NCOA7: variants seen among roughly 807,000 people sequenced by gnomAD.
NCOA7 encodes the protein 140 kDa estrogen receptor-associated protein.
NCOA7 carries 45 observed loss-of-function variants against 104.3 expected under a neutral mutation model. The observed-to-expected ratio is 0.43, with a 90% CI of 0.34 to 0.55. NCOA7 has a LOEUF of 0.55. Ranked by LOEUF, NCOA7 falls within the 20% of genes least tolerant of loss-of-function variation. The pLI is 0.02. For synonymous variants in NCOA7, 398 were observed against 402.3 expected (o/e 0.99, Z 0.13); for missense variants, 1,041 against 1,119.7 (o/e 0.93, Z 1.00).
intron 1 of NCOA7, among the ~76,000 whole-genome samples, chr6:125,803,570 A>G (rs1314222881): frequency 1.3e-5 from 2 of 152,206 alleles, no homozygotes; most frequent in African/African-American, 2.4e-5. Flanking sequence ...TAAAAAAATG[A>G]TAATTCAGTT....
rs1173067741 is a variant in NCOA7, at chr6:125,928,688, T to C, written c.2746T>C (p.Ser916Pro). 6.2e-7 allele frequency: 1 copy of C among 1,613,504 alleles called. No homozygotes were observed. Among genetic ancestry groups the C allele is most frequent in the Admixed American group, 1.7e-5 (1 of 59,946 alleles). The change falls in exon 16 of 16, where the codon TCT (serine) becomes CCT (proline). Residue 916 changes from serine to proline, a missense_variant. Ser to Pro is a moderately conservative substitution (Grantham distance 74). Coordinates refer to ENST00000392477, the MANE Select transcript of NCOA7 (RefSeq NM_181782.5). ...TGATTTATACCACGGACGAAGCAAC[T>C]CTTGCAGCACTTTCAATAATGATAT... is the stretch of plus-strand genomic sequence containing the variant. ...DADLYHGRSNSCSTFNNDILS... is the reference protein window; with the variant it reads ...DADLYHGRSNPCSTFNNDILS...
rs765954355 is a variant in NCOA7 at position 125,815,363 on chromosome 6, C to G, written c.9C>G (p.Thr3=). 1.2e-6 allele frequency: 2 copies of G among 1,606,574 alleles called. No homozygotes were observed. The highest frequency in any genetic ancestry group is 1.7e-6 in the Non-Finnish European group (2 of 1,176,510). ...ACTTTTGATTGTGTATTATGGATAC[C>G]AAGGAAGAGAAGAAGGAACGGAAAC... MD[T]KEEKKERKQS... The change falls in exon 2 of 16, where the codon ACC becomes ACG. Residue 3 remains threonine, a synonymous_variant. Transcript: ENST00000392477.
intron 11 of NCOA7, 52 bp from the exon 12 acceptor site, chr6:125,920,891 G>A (rs1425011607): frequency 6.3e-7 from 1 of 1,593,844 alleles, no homozygotes; most frequent in Non-Finnish European, 8.6e-7. Flanking sequence ...TAAATTAGCA[G>A]TTAGAAGAAA....
intron 2 of NCOA7, among the ~76,000 whole-genome samples, chr6:125,850,929 A>G (rs1410565318): frequency 1.3e-5 from 2 of 152,162 alleles, no homozygotes; most frequent in Non-Finnish European, 2.9e-5. Context: ...TGATCAGAAG[A>G]GAAATTTTGA....
chr6:125,838,210 T>TC (rs1389528911), intron 2 of NCOA7, among the ~76,000 whole-genome samples: 1 of 152,100 alleles, frequency 6.6e-6, no homozygotes. Flanking sequence ...TGCAGAAGCT[T>TC]CTATACCATC....
chr6:125,835,256 A>G (rs1779516344), intron 2 of NCOA7, among the ~76,000 whole-genome samples: 1 of 152,216 alleles, frequency 6.6e-6, no homozygotes, highest in Middle Eastern at 3.2e-3. Context: ...ATCCAAACCC[A>G]GCTCAGCCAA....
intron 1 of NCOA7, among the ~76,000 whole-genome samples, chr6:125,814,891 T>G (rs1326522934): frequency 1.3e-5 from 2 of 152,216 alleles, no homozygotes; most frequent in Non-Finnish European, 2.9e-5. Flanking sequence ...AAGTGAGCCA[T>G]TTTACATAAT....
At chr6:125,866,888 G>C (rs760478610) in intron 3 of NCOA7, among the ~76,000 whole-genome samples, 5 of 152,002 alleles carry the variant, frequency 3.3e-5, no homozygotes, top group Admixed American at 6.6e-5. Flanking sequence ...TTATGTATTT[G>C]TGCTTCTAGA....
At chr6:125,846,322 C>T (rs1416990204) in intron 2 of NCOA7, among the ~76,000 whole-genome samples, 1 of 150,660 alleles carries the variant, frequency 6.6e-6, no homozygotes, top group Non-Finnish European at 1.5e-5. Context: ...GTGCAAGACC[C>T]TTGGGATGGT....
chr6:125,793,546 T>C (rs1775042299), intron 1 of NCOA7, among the ~76,000 whole-genome samples: 1 of 152,194 alleles, frequency 6.6e-6, no homozygotes, highest in Non-Finnish European at 1.5e-5. Flanking sequence ...TTTTGGGTCC[T>C]ACCTCCTGAT....
chr6:125,787,830 T>C (rs1774541403), upstream of NCOA7, among the ~76,000 whole-genome samples: 1 of 152,226 alleles, frequency 6.6e-6, no homozygotes, highest in South Asian at 2.1e-4. Context: ...TAGTAATACC[T>C]TTGATTGATG....
chr6:125,826,864 A>G (rs1202233349), intron 2 of NCOA7, among the ~76,000 whole-genome samples: 4 of 152,122 alleles, frequency 2.6e-5, no homozygotes, highest in Non-Finnish European at 4.4e-5. Context: ...AAGGGCCTGC[A>G]TGCTGTATCA....
intron 3 of NCOA7, among the ~76,000 whole-genome samples, chr6:125,872,648 G>A (rs1462908726): frequency 6.6e-6 from 1 of 152,164 alleles, no homozygotes; most frequent in Non-Finnish European, 1.5e-5. Context: ...ACAAACAATT[G>A]AAATTTTTCA....
At chr6:125,781,585 T>C (rs1053597800) in intron 1 of NCOA7, among the ~76,000 whole-genome samples, 2 of 152,222 alleles carry the variant, frequency 1.3e-5, no homozygotes, top group Non-Finnish European at 2.9e-5. Context: ...CAAGGAATCT[T>C]AGATCAAGTT....
chr6:125,920,423 A>G (rs541761406), intron 11 of NCOA7, among the ~76,000 whole-genome samples: 9 of 152,232 alleles, frequency 5.9e-5, no homozygotes, highest in African/African-American at 9.6e-5. Context: ...TAGTCCTTTA[A>G]CAATTCAGAT....
chr6:125,885,731 G>A (rs570318965), intron 8 of NCOA7, among the ~76,000 whole-genome samples: 5 of 152,268 alleles, frequency 3.3e-5, no homozygotes, highest in Admixed American at 2.6e-4. Flanking sequence ...AGTTATGTTT[G>A]TCTTCATTTA....
At chr6:125,875,944 C>T (rs1191920993) in intron 4 of NCOA7, among the ~76,000 whole-genome samples, 1 of 152,156 alleles carries the variant, frequency 6.6e-6, no homozygotes, top group African/African-American at 2.4e-5. Context: ...ATCATAAGCT[C>T]CTGGAGGCCG....
intron 7 of NCOA7, among the ~76,000 whole-genome samples, chr6:125,883,763 A>G (rs930007567): frequency 1.6e-5 from 2 of 124,548 alleles, no homozygotes; most frequent in Non-Finnish European, 3.2e-5. Flanking sequence ...CTTGTCACCC[A>G]GGCTGGAGTG....
chr6:125,919,757 C>T (rs1305074364), intron 11 of NCOA7, among the ~76,000 whole-genome samples: 1 of 152,162 alleles, frequency 6.6e-6, no homozygotes. Context: ...CGGAAACACT[C>T]CCCCAGAAAA....
Sources: gnomAD v4.1 joint callset for allele counts (sites outside exome capture counted in the v4.1 genomes callset) on GRCh38, gnomAD v4.1.1 for gene constraint, MANE v1.5 for transcripts, NCBI Gene and HGNC (gene_info 2026-07-23, HGNC 2026-07-21) for gene names.